The following DCAF7 variants were observed in gnomAD, a reference collection of about 807,000 sequenced individuals.
DCAF7 encodes the protein DDB1 and CUL4 associated factor 7.
In DCAF7, 4 loss-of-function variants were observed where a neutral mutation model predicts 41.2. The observed-to-expected ratio is 0.10, with a 90% CI of 0.05 to 0.22. DCAF7 has a LOEUF of 0.22. Ranked by LOEUF, DCAF7 falls within the 10% of genes least tolerant of loss-of-function variation. DCAF7 has a pLI of 1.00. For missense variants in DCAF7, 131 were observed against 443.2 expected (o/e 0.30, Z 6.32); for synonymous variants, 143 against 164.2 (o/e 0.87, Z 0.99).
At chr17:63,558,193 C>T (rs2033331180) in intron 1 of DCAF7, among the ~76,000 whole-genome samples, 1 of 152,082 alleles carries the variant, frequency 6.6e-6, no homozygotes, top group Admixed American at 6.5e-5. Flanking sequence ...AGCCTGGCAT[C>T]CCTAGGAACA....
chr17:63,583,399 G>A (rs2033644557), intron 4 of DCAF7, 103 bp from the exon 5 acceptor site: 1 of 1,018,478 alleles, frequency 9.8e-7, no homozygotes, highest in African/African-American at 1.6e-5. Flanking sequence ...CTGCTTTTGT[G>A]TCATGAGCGA....
chr17:63,566,743 A>C (rs2033446659), intron 1 of DCAF7, among the ~76,000 whole-genome samples: 1 of 152,120 alleles, frequency 6.6e-6, no homozygotes, highest in African/African-American at 2.4e-5. Flanking sequence ...CTCTACAGAC[A>C]ATTCAAAAAT....
intron 1 of DCAF7, among the ~76,000 whole-genome samples, chr17:63,555,670 C>G (rs1013118390): frequency 4.6e-5 from 7 of 152,240 alleles, no homozygotes; most frequent in African/African-American, 1.7e-4. Flanking sequence ...GAGTCCCTGT[C>G]AAGACTGTCA....
At chr17:63,563,812 C>A (rs1161422458) in intron 1 of DCAF7, among the ~76,000 whole-genome samples, 1 of 137,952 alleles carries the variant, frequency 7.2e-6, no homozygotes, top group East Asian at 2.0e-4. Context: ...GAGATTCTGT[C>A]TCAAATAAAT....
intron 1 of DCAF7, among the ~76,000 whole-genome samples, chr17:63,554,970 G>C (rs1471245396): frequency 6.6e-6 from 1 of 152,164 alleles, no homozygotes; most frequent in East Asian, 1.9e-4. Flanking sequence ...TCATTTTGTA[G>C]TCTAGCAGAT....
chr17:63,592,511 A>G lies in DCAF7; in HGVS notation c.*3339A>G, dbSNP rs1244288879. 6.6e-6 allele frequency: 1 copy of G among 152,224 alleles called. No homozygotes were observed. Among genetic ancestry groups the G allele is most frequent in the Non-Finnish European group, 1.5e-5 (1 of 68,032 alleles). 9.4% of individuals were successfully genotyped at this position (152,224 alleles called of 1,614,324 possible). ...GAAGAAACAAAAAATTCAGAATCCT[A>G]CAAGGTTTTGATGACAATTAGGGCC... On this transcript the variant is annotated 3_prime_UTR_variant, in exon 7 of 7. Transcript: ENST00000614556.
At position 63,589,842 on chromosome 17, in the gene DCAF7, G is replaced by C. The variant is rs2033716086; in HGVS notation, c.*670G>C. 1 of 153,950 alleles carries C rather than the reference G, an allele frequency of 6.5e-6. No homozygotes were observed. Among genetic ancestry groups the C allele is most frequent in the Non-Finnish European group, 1.4e-5 (1 of 69,084 alleles). The allele number at this position is 153,950 out of a possible 1,614,324, so 9.5% of individuals were successfully genotyped here. A position where few individuals can be genotyped will look rare whatever the true frequency, so the allele number is the denominator to read the frequency against. On this transcript the variant is annotated 3_prime_UTR_variant, in exon 7 of 7. Transcript: ENST00000614556. ...TGCCTGTGTAGTACATACCTGACCG[G>C]GAGTCCAAACCACCTTGGTGCTCTG...
At chr17:63,552,420 A>G (rs914626389) in intron 1 of DCAF7, 3 of 152,314 alleles carry the variant, frequency 2.0e-5, no homozygotes, top group East Asian at 3.9e-4. Flanking sequence ...AATCCAAGGA[A>G]TATGCACTGA....
chr17:63,575,773 G>A (rs11652583), intron 1 of DCAF7, among the ~76,000 whole-genome samples: 1 of 152,222 alleles, frequency 6.6e-6, no homozygotes, highest in Admixed American at 6.5e-5. Flanking sequence ...TAAGATGTCA[G>A]TTCTCCCCAG....
intron 4 of DCAF7, 47 bp from the exon 5 acceptor site, chr17:63,583,455 A>C: frequency 6.5e-7 from 1 of 1,536,828 alleles, no homozygotes; most frequent in African/African-American, 1.4e-5. Context: ...TATAGGAAGA[A>C]GAGGTAATGG....
intron 1 of DCAF7, among the ~76,000 whole-genome samples, chr17:63,568,312 T>C (rs1360009157): frequency 6.6e-6 from 1 of 152,168 alleles, no homozygotes; most frequent in African/African-American, 2.4e-5. Flanking sequence ...TGATTTCGGA[T>C]GTAGAAAGAT....
chr17:63,551,953 C>T (rs1244160057), intron 1 of DCAF7, among the ~76,000 whole-genome samples: 2 of 139,150 alleles, frequency 1.4e-5, no homozygotes, highest in Non-Finnish European at 3.0e-5. Flanking sequence ...CTTAGTGCGC[C>T]TGTAGTCCCA....
rs2033710667 is a variant in DCAF7, at chr17:63,589,319, C to T, written c.*147C>T. 2 of 1,087,724 alleles carry T rather than the reference C, an allele frequency of 1.8e-6. No individual in the cohort carries two copies. Among genetic ancestry groups the T allele is most frequent in the Non-Finnish European group, 2.7e-6 (2 of 736,510 alleles). 67.4% of individuals were successfully genotyped at this position (1,087,724 alleles called of 1,614,324 possible). On this transcript the variant is annotated 3_prime_UTR_variant, in exon 7 of 7. Transcript: ENST00000614556. ...GTTACCAGAAGCTGCTCTAGGAGTT[C>T]CTGGCCAGTCACCCCATCGCCCTCT...
chr17:63,569,995 G>A (rs773808853), intron 1 of DCAF7, among the ~76,000 whole-genome samples: 1 of 152,154 alleles, frequency 6.6e-6, no homozygotes, highest in Non-Finnish European at 1.5e-5. Context: ...TTACAGGTGT[G>A]AGCCACCACA....
chr17:63,561,426 T>TA (rs2033379240), intron 1 of DCAF7, among the ~76,000 whole-genome samples: 1 of 151,788 alleles, frequency 6.6e-6, no homozygotes. Flanking sequence ...AAAACAAGGA[T>TA]ATAGAGGGTT....
At chr17:63,585,776 T>A (rs1159892810) in intron 6 of DCAF7, among the ~76,000 whole-genome samples, 1 of 152,134 alleles carries the variant, frequency 6.6e-6, no homozygotes, top group African/African-American at 2.4e-5. Flanking sequence ...CTTTGCCTGG[T>A]TGTGGTTTGT....
rs1568095081 is a variant in DCAF7 at position 63,550,834 on chromosome 17, C to T, written c.138+19C>T. The T allele has an allele frequency of 6.2e-7, 1 of 1,609,962 alleles. No individual in the cohort carries two copies. The highest frequency in any genetic ancestry group is 8.5e-7 in the Non-Finnish European group (1 of 1,177,780). On this transcript the variant is annotated intron_variant, in intron 1 of 6. Transcript: ENST00000614556. This position sits in a 1 kb window ranked among gnomAD's most constrained non-coding sequence, Gnocchi z 4.8. Reference sequence around the variant, plus strand: ...CAACAAGGTGGGCCGGGCAGGGGCTCGGAACCCAGCTGGCGGGGAGCGGGC... The same window carrying T: ...CAACAAGGTGGGCCGGGCAGGGGCTTGGAACCCAGCTGGCGGGGAGCGGGC...
intron 1 of DCAF7, among the ~76,000 whole-genome samples, chr17:63,559,077 G>C (rs1250892033): frequency 6.7e-6 from 1 of 150,122 alleles, no homozygotes; most frequent in African/African-American, 2.5e-5. Flanking sequence ...TTTGGGAGGC[G>C]GGGGCAGGCA....
At chr17:63,573,336 A>G (rs2033526963) in intron 1 of DCAF7, 1 of 152,194 alleles carries the variant, frequency 6.6e-6, no homozygotes, top group South Asian at 2.1e-4. Context: ...TGTGCTGCTG[A>G]AGCAAGCACT....
Sources: allele counts gnomAD v4.1 joint callset (sites outside exome capture counted in the v4.1 genomes callset), GRCh38; gene constraint gnomAD v4.1.1; non-coding constraint Gnocchi (gnomAD v3.1); transcripts MANE v1.5; gene names NCBI Gene and HGNC (gene_info 2026-07-23, HGNC 2026-07-21).